MAP3K14: variants seen among roughly 807,000 people sequenced by gnomAD.
MAP3K14 encodes the protein NF-kappa-beta-inducing kinase.
A neutral mutation model predicts 99.2 loss-of-function variants in MAP3K14; 16 were observed. The observed-to-expected ratio is 0.16, with a 90% CI of 0.11 to 0.24. The LOEUF (loss-of-function observed/expected upper bound fraction) is 0.24. MAP3K14 is among the 10% of genes least tolerant of loss of function. MAP3K14 has a pLI of 1.00. For missense variants in MAP3K14, 784 were observed against 1,208.7 expected, an observed-to-expected ratio of 0.65 and a Z score of 5.21; for synonymous variants, 462 against 492.4, an observed-to-expected ratio of 0.94 and a Z score of 0.82.
chr17:45,263,402 A>C lies in MAP3K14; in HGVS notation c.*1234T>G, dbSNP rs1456424595. 6.5e-6 allele frequency: 1 copy of C among 152,718 alleles called. No homozygotes were observed. Among genetic ancestry groups the C allele is most frequent in the Non-Finnish European group, 1.5e-5 (1 of 68,142 alleles). The allele number at this position is 152,718 out of a possible 1,614,324, so 9.5% of individuals were successfully genotyped here. A position where few individuals can be genotyped will look rare whatever the true frequency, so the allele number is the denominator to read the frequency against. On this transcript the variant is annotated 3_prime_UTR_variant, in exon 16 of 16. Transcript: ENST00000344686. ...CTGATTTAATGCTACGTGAGTCCTG[A>C]GTAGCTCCCCTGGGAGAAGAGGCTA...
chr17:45,273,877 C>A, intron 8 of MAP3K14: 1 of 635,756 alleles, frequency 1.6e-6, no homozygotes, highest in South Asian at 1.9e-5. Flanking sequence ...CGACCCCATA[C>A]CAGGGGTCAC....
intron 8 of MAP3K14, 138 bp downstream of exon 8, chr17:45,273,985 A>T: frequency 9.9e-7 from 1 of 1,010,754 alleles, no homozygotes; most frequent in Non-Finnish European, 1.4e-6. Context: ...TCCCCTTCCT[A>T]CAGGCACAGT....
intron 1 of MAP3K14, among the ~76,000 whole-genome samples, chr17:45,311,140 T>C (rs977177451): frequency 2.0e-5 from 3 of 152,252 alleles, no homozygotes; most frequent in Admixed American, 1.3e-4. Flanking sequence ...CCCACTTGGC[T>C]TTCTTGGGCC....
chr17:45,302,601 C>T (rs1044198181), intron 1 of MAP3K14, among the ~76,000 whole-genome samples: 1 of 152,208 alleles, frequency 6.6e-6, no homozygotes, highest in South Asian at 2.1e-4. Flanking sequence ...AGCCACTGTG[C>T]CCGGCCAAGT....
At chr17:45,278,338 C>T (rs1186353247) in intron 6 of MAP3K14, among the ~76,000 whole-genome samples, 1 of 152,150 alleles carries the variant, frequency 6.6e-6, no homozygotes, top group Non-Finnish European at 1.5e-5. Flanking sequence ...GCTGGCTGCC[C>T]GTCTGGCCAC....
intron 1 of MAP3K14, among the ~76,000 whole-genome samples, chr17:45,292,304 C>T (rs2044316839): frequency 6.6e-6 from 1 of 152,196 alleles, no homozygotes; most frequent in African/African-American, 2.4e-5. Flanking sequence ...GTGGCCCATG[C>T]CTGTAATCCC....
intron 1 of MAP3K14, chr17:45,291,033 C>A (rs1004324701): frequency 2.7e-6 from 1 of 377,192 alleles, no homozygotes. Context: ...AGGATGCCAG[C>A]CCACTCCCTC....
In MAP3K14 at chr17:45,286,397, G is replaced by A. The variant is rs771694936; in HGVS notation, c.1152+34C>T. ...AAAAGCATCCCCCAGGTTGCTGGTA[G>A]AGGGACATATACAGGTGCCGGGGGA... On this transcript the variant is annotated intron_variant, in intron 5 of 15. Transcript: ENST00000344686. This position sits in a 1 kb window ranked among gnomAD's most constrained non-coding sequence, Gnocchi z 4.1. The A allele has an allele frequency of 5.2e-6, 8 of 1,533,094 alleles. No homozygotes were observed. Among genetic ancestry groups the A allele is most frequent in the Non-Finnish European group, 6.1e-6 (7 of 1,138,810 alleles). 95.0% of individuals were successfully genotyped at this position (1,533,094 alleles called of 1,614,324 possible). A position where few individuals can be genotyped will look rare whatever the true frequency, so the allele number is the denominator to read the frequency against.
chr17:45,309,354 A>G (rs1170616288), intron 1 of MAP3K14, among the ~76,000 whole-genome samples: 4 of 152,190 alleles, frequency 2.6e-5, no homozygotes, highest in African/African-American at 9.6e-5. Context: ...TGGGCTGCGC[A>G]TGGTGGCCTC....
Position 45,267,563 on chromosome 17 carries a change from C to T in MAP3K14, c.2169G>A (p.Glu723=), listed in dbSNP as rs748655204. ...LQPPLPPEPP[E]PNKSPPLTLS... ...AAGTCAAGGGAGGAGACTTGTTTGG[C>T]TCTGGGGGCTCTGGTGGGAGAGGAG... The change falls in exon 12 of 16, where the codon GAG becomes GAA. Residue 723 remains glutamate, a synonymous_variant. Coordinates refer to ENST00000344686, the MANE Select transcript of MAP3K14 (RefSeq NM_003954.5). The surrounding 1 kb of genome is among the most constrained non-coding windows in gnomAD (Gnocchi z 5.1). 16 of 1,613,300 alleles carry T rather than the reference C, an allele frequency of 9.9e-6. No individual in the cohort carries two copies. The highest frequency in any genetic ancestry group is 1.2e-5 in the Non-Finnish European group (14 of 1,179,646).
At chr17:45,298,694 T>C (rs1261642628) in intron 1 of MAP3K14, among the ~76,000 whole-genome samples, 1 of 152,214 alleles carries the variant, frequency 6.6e-6, no homozygotes, top group African/African-American at 2.4e-5. Context: ...GCAAGGATCT[T>C]ATGCGTGGCA....
intron 14 of MAP3K14, 147 bp downstream of exon 14, chr17:45,266,390 T>C: frequency 1.9e-6 from 2 of 1,027,088 alleles, no homozygotes; most frequent in East Asian, 2.4e-5. Flanking sequence ...CCCAACTTAC[T>C]GGCCAGGAAC....
intron 6 of MAP3K14, among the ~76,000 whole-genome samples, chr17:45,278,615 C>T (rs2044197057): frequency 6.6e-6 from 1 of 151,980 alleles, no homozygotes; most frequent in Non-Finnish European, 1.5e-5. Flanking sequence ...AGCGCTTTTA[C>T]TCGGGCAAGC....
intron 3 of MAP3K14, 66 bp downstream of exon 3, chr17:45,289,170 G>A: frequency 2.1e-6 from 3 of 1,460,320 alleles, no homozygotes; most frequent in Non-Finnish European, 1.9e-6. Context: ...GCCCAGGCAA[G>A]TGCTGGGGAC....
At chr17:45,290,161 G>A (rs2044299100) in intron 2 of MAP3K14, among the ~76,000 whole-genome samples, 2 of 152,158 alleles carry the variant, frequency 1.3e-5, no homozygotes, top group Non-Finnish European at 1.5e-5. Flanking sequence ...CCTGTCTGGA[G>A]CCTCTCCAGA....
Position 45,289,264 on chromosome 17 carries a change from TGCGTTCTGAAAAGGTGGG to T in MAP3K14, c.280_297del (p.Pro94_Arg99del). 1 of 1,613,902 alleles carries T rather than the reference TGCGTTCTGAAAAGGTGGG, an allele frequency of 6.2e-7. No individual in the cohort carries two copies. The highest frequency in any genetic ancestry group is 8.5e-7 in the Non-Finnish European group (1 of 1,179,842). ...TACTGTTTGGACCCAGCGATGAAAA[TGCGTTCTGAAAAGGTGGG>T]GCTGAACTCTTGGCTATTCTCACCT... On this transcript the variant is annotated inframe_deletion, in exon 3 of 16. Transcript: ENST00000344686.
rs2044108940 is a variant in MAP3K14, at chr17:45,267,929, A to C, written c.1973-170T>G. Reference sequence around the variant, plus strand: ...CAGAGGGCAGCATGGTGGTCTCCACAGGAGACTTCCTCAATAAAATGGTCC... The same window carrying C: ...CAGAGGGCAGCATGGTGGTCTCCACCGGAGACTTCCTCAATAAAATGGTCC... On this transcript the variant is annotated intron_variant, in intron 11 of 15. Coordinates refer to ENST00000344686, the MANE Select transcript of MAP3K14 (RefSeq NM_003954.5). This position sits in a 1 kb window ranked among gnomAD's most constrained non-coding sequence, Gnocchi z 5.1. The C allele has an allele frequency of 1.7e-6, 1 of 583,452 alleles. No homozygotes were observed. Among genetic ancestry groups the C allele is most frequent in the African/African-American group, 1.9e-5 (1 of 51,690 alleles). 36.1% of individuals were successfully genotyped at this position (583,452 alleles called of 1,614,324 possible).
chr17:45,273,943 C>T, intron 8 of MAP3K14, 180 bp downstream of exon 8: 1 of 767,902 alleles, frequency 1.3e-6, no homozygotes, highest in African/African-American at 1.7e-5. Flanking sequence ...CCAGAAACTA[C>T]AGTGCTTGGC....
At chr17:45,298,938 T>A (rs1455037242) in intron 1 of MAP3K14, among the ~76,000 whole-genome samples, 3 of 152,168 alleles carry the variant, frequency 2.0e-5, no homozygotes, top group Non-Finnish European at 4.4e-5. Flanking sequence ...ATGCCTGAGC[T>A]GAGTCTGAAG....
Sources: gnomAD v4.1 joint callset for allele counts (sites outside exome capture counted in the v4.1 genomes callset) on GRCh38, gnomAD v4.1.1 for gene constraint, Gnocchi (gnomAD v3.1) non-coding constraint, MANE v1.5 for transcripts, NCBI Gene and HGNC (gene_info 2026-07-23, HGNC 2026-07-21) for gene names.